INAFM2: variants seen among roughly 807,000 people sequenced by gnomAD.
INAFM2 encodes the protein putative transmembrane protein INAFM2.
Under a neutral mutation model 5.6 loss-of-function variants are expected in INAFM2, and 3 were observed. The observed-to-expected ratio is 0.54, with a 90% confidence interval of 0.24 to 1.39. INAFM2 has a LOEUF of 1.39. Ranked by LOEUF, INAFM2 falls within the 40% of genes most tolerant of loss-of-function variation. The pLI, the probability that INAFM2 is intolerant of heterozygous loss-of-function variation, is 0.16. For missense variants in INAFM2, 186 were observed against 217.5 expected, an observed-to-expected ratio of 0.86 and a Z score of 0.91; for synonymous variants, 113 against 109.1, an observed-to-expected ratio of 1.04 and a Z score of -0.22.
chr15:40,324,767 G>A lies in INAFM2; in HGVS notation c.*250G>A, dbSNP rs187190287. 318 of 336,412 alleles carry A rather than the reference G, an allele frequency of 9.5e-4. 1 individual carries two copies. In the East Asian group the frequency reaches 0.014, roughly 15 times the overall value. The allele number at this position is 336,412 out of a possible 1,614,324, so 20.8% of individuals were successfully genotyped here. ...TGCTGCACCAGGGCCCTGAGCCGTAGGGGGATGGGGGGAGGGGTGGGGAGA... is the reference window on the plus strand; with the variant it reads ...TGCTGCACCAGGGCCCTGAGCCGTAAGGGGATGGGGGGAGGGGTGGGGAGA... On this transcript the variant is annotated 3_prime_UTR_variant, in exon 1 of 1. Transcript: ENST00000638170.
chr15:40,325,738 T>A lies in INAFM2; in HGVS notation c.*1221T>A, dbSNP rs530100213. On this transcript the variant is annotated 3_prime_UTR_variant, in exon 1 of 1. Transcript: ENST00000638170. ...GGATTGTGCTTTGAGAACCAGCTAA[T>A]AGACCAGCCGAGGGAAGGTTGAATT... 5 of 152,306 alleles carry A rather than the reference T, an allele frequency of 3.3e-5. No individual in the cohort carries two copies. In the East Asian group the frequency reaches 9.6e-4, roughly 29 times the overall value. 9.4% of individuals were successfully genotyped at this position (152,306 alleles called of 1,614,324 possible).
chr15:40,326,044 C>T lies in INAFM2; in HGVS notation c.*1527C>T, dbSNP rs575893830. On this transcript the variant is annotated 3_prime_UTR_variant, in exon 1 of 1. Transcript: ENST00000638170. ...CCACCTGAGTCCTGAAACAGTTTGT[C>T]TCTCCAGTTTTCTGGCCTATACTCT... The T allele has an allele frequency of 5.3e-5, 8 of 152,056 alleles. No individual in the cohort carries two copies. Among genetic ancestry groups the T allele is most frequent in the Non-Finnish European group, 1.0e-4 (7 of 68,004 alleles). 9.4% of individuals were successfully genotyped at this position (152,056 alleles called of 1,614,324 possible).
At position 40,324,727 on chromosome 15, in the gene INAFM2, T is replaced by G; in HGVS notation, c.*210T>G. On this transcript the variant is annotated 3_prime_UTR_variant, in exon 1 of 1. Transcript: ENST00000638170. ...ACGATTCGCCGGGGGGCTGGGGGTT[T>G]GCTGCCCAGGACCGTGCTGCACCAG... is the stretch of plus-strand genomic sequence containing the variant. 1.2e-5 allele frequency: 4 copies of G among 327,370 alleles called. No individual in the cohort carries two copies. The highest frequency in any genetic ancestry group is 2.2e-5 in the African/African-American group (1 of 46,132). The allele number at this position is 327,370 out of a possible 1,614,324, so 20.3% of individuals were successfully genotyped here. A position where few individuals can be genotyped will look rare whatever the true frequency, so the allele number is the denominator to read the frequency against.
rs190580006 is a variant in INAFM2, at chr15:40,326,663, A to T, written c.*2146A>T. On this transcript the variant is annotated 3_prime_UTR_variant, in exon 1 of 1. Transcript: ENST00000638170. The stretch of plus-strand genomic sequence containing the variant: ...TACTCAAAAAGTCCTGTATATTTTT[A>T]AAAAGTTTTATTTTTCAGGTGAACA... The T allele has an allele frequency of 6.6e-6, 1 of 152,266 alleles. No individual in the cohort carries two copies. Among genetic ancestry groups the T allele is most frequent in the Non-Finnish European group, 1.5e-5 (1 of 68,052 alleles). The allele number at this position is 152,266 out of a possible 1,614,324, so 9.4% of individuals were successfully genotyped here.
Position 40,324,535 on chromosome 15 carries a change from G to A in INAFM2, c.*18G>A. 8.2e-7 allele frequency: 1 copy of A among 1,225,222 alleles called. No homozygotes were observed. The highest frequency in any genetic ancestry group is 1.6e-5 in the African/African-American group (1 of 64,236). The allele number at this position is 1,225,222 out of a possible 1,614,324, so 75.9% of individuals were successfully genotyped here. On this transcript the variant is annotated 3_prime_UTR_variant, in exon 1 of 1. Transcript: ENST00000638170. ...GTCGTTGAAGCCCTCCGCGCTGGGG[G>A]CCGCCGGGAACCATTCTCCCCAAGC...
In INAFM2 at chr15:40,325,154, C is replaced by T. The variant is rs1014982831; in HGVS notation, c.*637C>T. On this transcript the variant is annotated 3_prime_UTR_variant, in exon 1 of 1. Transcript: ENST00000638170. ...CAAAAAGTACACCTGGCCAGAAGGG[C>T]ACAAACACGGCTTCTTAAATCACTC... The T allele has an allele frequency of 6.6e-6, 1 of 152,276 alleles. No homozygotes were observed. The highest frequency in any genetic ancestry group is 2.4e-5 in the African/African-American group (1 of 41,472). 9.4% of individuals were successfully genotyped at this position (152,276 alleles called of 1,614,324 possible).
rs1382819082 is a variant in INAFM2 at position 40,326,027 on chromosome 15, G to A, written c.*1510G>A. ...TTTAAAAGACAACTTACCCACCTGA[G>A]TCCTGAAACAGTTTGTCTCTCCAGT... On this transcript the variant is annotated 3_prime_UTR_variant, in exon 1 of 1. Transcript: ENST00000638170. 1.3e-5 allele frequency: 2 copies of A among 152,034 alleles called. No homozygotes were observed. The highest frequency in any genetic ancestry group is 1.9e-4 in the East Asian group (1 of 5,194). 9.4% of individuals were successfully genotyped at this position (152,034 alleles called of 1,614,324 possible).
Position 40,324,502 on chromosome 15 carries a change from G to T in INAFM2, c.447G>T (p.Ala149=). The T allele has an allele frequency of 4.1e-6, 5 of 1,227,212 alleles. No individual in the cohort carries two copies. Among genetic ancestry groups the T allele is most frequent in the East Asian group, 3.2e-5 (1 of 31,402 alleles). 76.0% of individuals were successfully genotyped at this position (1,227,212 alleles called of 1,614,324 possible). Residue 149 remains alanine (A), a synonymous_variant, in exon 1 of 1, where the codon GCG becomes GCT. Coordinates refer to ENST00000638170, the MANE Select transcript of INAFM2 (RefSeq NM_001301268.2). ...AGGACGAAGAGGAAACGGCGGCGGC[G>T]CCCGGGAGTCGTTGAAGCCCTCCGC... The part of the protein sequence containing the change: ...PDEDEEETAA[A]PGSR
chr15:40,323,952 C>T lies in INAFM2; in HGVS notation c.-104C>T. 1.8e-6 allele frequency: 1 copy of T among 563,314 alleles called. No individual in the cohort carries two copies. The highest frequency in any genetic ancestry group is 4.4e-5 in the East Asian group (1 of 22,650). 34.9% of individuals were successfully genotyped at this position (563,314 alleles called of 1,614,324 possible). On this transcript the variant is annotated 5_prime_UTR_variant, in exon 1 of 1. Transcript: ENST00000638170. This position sits in a 1 kb window ranked among gnomAD's most constrained non-coding sequence, Gnocchi z 5.6. ...GAGCGGCGGCGGAGCGCGGGGCCGC[C>T]GGGAACCGAGGGCGCCGGGCCGCCC...
At position 40,325,248 on chromosome 15, in the gene INAFM2, C is replaced by T. The variant is rs1888770969; in HGVS notation, c.*731C>T. 1 of 152,194 alleles carries T rather than the reference C, an allele frequency of 6.6e-6. No individual in the cohort carries two copies. Among genetic ancestry groups the T allele is most frequent in the Non-Finnish European group, 1.5e-5 (1 of 68,050 alleles). The allele number at this position is 152,194 out of a possible 1,614,324, so 9.4% of individuals were successfully genotyped here. A position where few individuals can be genotyped will look rare whatever the true frequency, so the allele number is the denominator to read the frequency against. ...ACGTTCTTTCACAAAAGAGTATAAT[C>T]ATTCTTAGACTGTTGACATGGCTGT... On this transcript the variant is annotated 3_prime_UTR_variant, in exon 1 of 1. Coordinates refer to ENST00000638170, the MANE Select transcript of INAFM2 (RefSeq NM_001301268.2).
In INAFM2 at chr15:40,323,933, C is replaced by A; in HGVS notation, c.-123C>A. ...TGCGGGCGGGCGGCGTGAGGAGCGGCGGCGGAGCGCGGGGCCGCCGGGAAC... is the reference window on the plus strand; with the variant it reads ...TGCGGGCGGGCGGCGTGAGGAGCGGAGGCGGAGCGCGGGGCCGCCGGGAAC... On this transcript the variant is annotated 5_prime_UTR_variant, in exon 1 of 1. Transcript: ENST00000638170. This position sits in a 1 kb window ranked among gnomAD's most constrained non-coding sequence, Gnocchi z 5.6. 2 of 388,104 alleles carry A rather than the reference C, an allele frequency of 5.2e-6. No individual in the cohort carries two copies. Among genetic ancestry groups the A allele is most frequent in the Non-Finnish European group, 8.0e-6 (2 of 248,482 alleles). The allele number at this position is 388,104 out of a possible 1,614,324, so 24.0% of individuals were successfully genotyped here.
In INAFM2 at chr15:40,323,837, C is replaced by CGGCGGCGGCGGCGCT. The variant is rs1219649682; in HGVS notation, c.-210_-196dup. 6.7e-6 allele frequency: 1 copy of CGGCGGCGGCGGCGCT among 149,792 alleles called. No individual in the cohort carries two copies. Among genetic ancestry groups the CGGCGGCGGCGGCGCT allele is most frequent in the African/African-American group, 2.5e-5 (1 of 40,702 alleles). The allele number at this position is 149,792 out of a possible 1,614,324, so 9.3% of individuals were successfully genotyped here. On this transcript the variant is annotated 5_prime_UTR_variant, in exon 1 of 1. Transcript: ENST00000638170. The surrounding 1 kb of genome is among the most constrained non-coding windows in gnomAD (Gnocchi z 5.6). Reference sequence around the variant, plus strand: ...GGCGGGGAAGCAGCTGACGGGCCGGCGGCGGCGGCGGCGCTGGCGGCGGTG... The same window carrying CGGCGGCGGCGGCGCT: ...GGCGGGGAAGCAGCTGACGGGCCGGCGGCGGCGGCGGCGCTGGCGGCGGCGGCGCTGGCGGCGGTG...
chr15:40,324,300 C>T lies in INAFM2; in HGVS notation c.245C>T (p.Ala82Val). ...AAGPPPGGSNATGPSGTSGAA... is the reference protein window; with the variant it reads ...AAGPPPGGSNVTGPSGTSGAA... The stretch of plus-strand genomic sequence containing the variant: ...GGCCCGCCCCCCGGCGGCTCCAACG[C>T]CACTGGCCCGTCTGGGACTTCGGGG... Residue 82 changes from alanine to valine, a missense_variant, in exon 1 of 1, where the codon GCC (alanine) becomes GTC (valine). Physicochemically the swap from Ala to Val is moderately conservative, Grantham distance 64 (BLOSUM62 0). Coordinates refer to ENST00000638170, the MANE Select transcript of INAFM2 (RefSeq NM_001301268.2). The T allele has an allele frequency of 8.1e-7, 1 of 1,228,564 alleles. No individual in the cohort carries two copies. The highest frequency in any genetic ancestry group is 1.0e-6 in the Non-Finnish European group (1 of 986,086). The allele number at this position is 1,228,564 out of a possible 1,614,324, so 76.1% of individuals were successfully genotyped here.
In INAFM2 at chr15:40,324,441, C is replaced by T. The variant is rs1235125821; in HGVS notation, c.386C>T (p.Pro129Leu). The T allele has an allele frequency of 2.4e-6, 3 of 1,226,624 alleles. No homozygotes were observed. The highest frequency in any genetic ancestry group is 1.6e-5 in the African/African-American group (1 of 64,106). 76.0% of individuals were successfully genotyped at this position (1,226,624 alleles called of 1,614,324 possible). A position where few individuals can be genotyped will look rare whatever the true frequency, so the allele number is the denominator to read the frequency against. Reference sequence around the variant, plus strand: ...CCGGAGCCCCCTGCGGACAGCCCCCCGGCCGGGCCGCTCGAGCGGCCTCGG... The same window carrying T: ...CCGGAGCCCCCTGCGGACAGCCCCCTGGCCGGGCCGCTCGAGCGGCCTCGG... Reference protein sequence around the residue: ...APPEPPADSPPAGPLERPRGP... With the variant: ...APPEPPADSPLAGPLERPRGP... Residue 129 changes from proline to leucine, a missense_variant, in exon 1 of 1, where the codon CCG (proline) becomes CTG (leucine). Physicochemically the swap from Pro to Leu is moderately conservative, Grantham distance 98 (BLOSUM62 -3). Transcript: ENST00000638170.
chr15:40,325,816 A>T lies in INAFM2; in HGVS notation c.*1299A>T, dbSNP rs552429179. 1 of 152,360 alleles carries T rather than the reference A, an allele frequency of 6.6e-6. No homozygotes were observed. Among genetic ancestry groups the T allele is most frequent in the African/African-American group, 2.4e-5 (1 of 41,580 alleles). 9.4% of individuals were successfully genotyped at this position (152,360 alleles called of 1,614,324 possible). On this transcript the variant is annotated 3_prime_UTR_variant, in exon 1 of 1. Transcript: ENST00000638170. The stretch of plus-strand genomic sequence containing the variant: ...CTACTTAAATGCAGCCTGTAATTGT[A>T]TAAAGGAGATGAGAAACATCAAGAG...
Position 40,325,589 on chromosome 15 carries a change from T to C in INAFM2, c.*1072T>C, listed in dbSNP as rs1045686878. The C allele has an allele frequency of 6.6e-6, 1 of 152,194 alleles. No individual in the cohort carries two copies. Among genetic ancestry groups the C allele is most frequent in the Admixed American group, 6.5e-5 (1 of 15,280 alleles). The allele number at this position is 152,194 out of a possible 1,614,324, so 9.4% of individuals were successfully genotyped here. On this transcript the variant is annotated 3_prime_UTR_variant, in exon 1 of 1. Coordinates refer to ENST00000638170, the MANE Select transcript of INAFM2 (RefSeq NM_001301268.2). ...TTTTGCCTTCCCTCTTTCCTGAGCC[T>C]GTAGTGACAAAGCCCGGCGATTTGG...
chr15:40,326,051 G>A lies in INAFM2; in HGVS notation c.*1534G>A, dbSNP rs1888789033. The stretch of plus-strand genomic sequence containing the variant: ...AGTCCTGAAACAGTTTGTCTCTCCA[G>A]TTTTCTGGCCTATACTCTAGTTAGC... On this transcript the variant is annotated 3_prime_UTR_variant, in exon 1 of 1. Transcript: ENST00000638170. 2 of 152,096 alleles carry A rather than the reference G, an allele frequency of 1.3e-5. No individual in the cohort carries two copies. The highest frequency in any genetic ancestry group is 6.5e-5 in the Admixed American group (1 of 15,274). The allele number at this position is 152,096 out of a possible 1,614,324, so 9.4% of individuals were successfully genotyped here.
Position 40,324,036 on chromosome 15 carries a change from G to A in INAFM2, c.-20G>A, listed in dbSNP as rs1888740970. 1 of 1,224,086 alleles carries A rather than the reference G, an allele frequency of 8.2e-7. No homozygotes were observed. Among genetic ancestry groups the A allele is most frequent in the Non-Finnish European group, 1.0e-6 (1 of 982,342 alleles). 75.8% of individuals were successfully genotyped at this position (1,224,086 alleles called of 1,614,324 possible). A position where few individuals can be genotyped will look rare whatever the true frequency, so the allele number is the denominator to read the frequency against. ...CCAGCCGGGGCCGTGGAGCACCGGG[G>A]CAAAGGCCGGGGCCCCCCCATGAAG... On this transcript the variant is annotated 5_prime_UTR_variant, in exon 1 of 1. Transcript: ENST00000638170.
chr15:40,324,694 A>G lies in INAFM2; in HGVS notation c.*177A>G, dbSNP rs1018914787. ...GAGGCCCGCAGCCAGATCTTCAGCC[A>G]AGGGACCACGATTCGCCGGGGGGCT... On this transcript the variant is annotated 3_prime_UTR_variant, in exon 1 of 1. Transcript: ENST00000638170. The G allele has an allele frequency of 2.0e-4, 84 of 421,036 alleles. No homozygotes were observed. Among genetic ancestry groups the G allele is most frequent in the African/African-American group, 1.5e-3 (72 of 48,576 alleles). 26.1% of individuals were successfully genotyped at this position (421,036 alleles called of 1,614,324 possible).
Sources: gnomAD v4.1 joint callset for allele counts on GRCh38, gnomAD v4.1.1 for gene constraint, Gnocchi (gnomAD v3.1) non-coding constraint, MANE v1.5 for transcripts, NCBI Gene and HGNC (gene_info 2026-07-23, HGNC 2026-07-21) for gene names.